The following ITGA1 variants were observed in gnomAD, a reference collection of about 807,000 sequenced individuals.
The protein encoded by ITGA1 is integrin subunit alpha 1.
A neutral mutation model predicts 145.9 loss-of-function variants in ITGA1; 85 were observed. That is an observed-to-expected ratio of 0.58 (90% CI 0.49 to 0.70). The LOEUF (loss-of-function observed/expected upper bound fraction) is 0.70. Among genes scored for constraint, ITGA1 ranks in the 30% least tolerant of loss-of-function variants. The pLI is 0.00. For synonymous variants in ITGA1, 520 were observed against 495.3 expected, an observed-to-expected ratio of 1.05 and a Z score of -0.66; for missense variants, 1,351 against 1,418.7, an observed-to-expected ratio of 0.95 and a Z score of 0.77.
At chr5:52,867,993 C>T (rs1001067468) in intron 6 of ITGA1, among the ~76,000 whole-genome samples, 4 of 151,986 alleles carry the variant, frequency 2.6e-5, no homozygotes, top group African/African-American at 4.8e-5. Flanking sequence ...TGGCTGAAAC[C>T]GTGCTAGGCT....
intron 11 of ITGA1, among the ~76,000 whole-genome samples, chr5:52,899,697 G>A (rs1176553528): frequency 6.6e-6 from 1 of 152,144 alleles, no homozygotes; most frequent in Non-Finnish European, 1.5e-5. Context: ...AGAAATTGAA[G>A]GTTAGAAAAC....
rs1580015613 is a variant in ITGA1 at position 52,788,421 on chromosome 5, G to T, written c.61+7G>T. On this transcript the variant is annotated splice_region_variant and intron_variant, in intron 1 of 28. Transcript: ENST00000282588. The stretch of plus-strand genomic sequence containing the variant: ...TGCTGCTGGCTCCTCACTGGTGAGC[G>T]ACTCGCTTTTCTCTGAGCATCTCCT... The T allele has an allele frequency of 2.0e-6, 3 of 1,506,374 alleles. No homozygotes were observed. The highest frequency in any genetic ancestry group is 2.5e-5 in the South Asian group (2 of 80,466). 93.3% of individuals were successfully genotyped at this position (1,506,374 alleles called of 1,614,324 possible).
At chr5:52,859,780 A>G (rs569318087) in intron 2 of ITGA1, among the ~76,000 whole-genome samples, 1 of 152,336 alleles carries the variant, frequency 6.6e-6, no homozygotes, top group Non-Finnish European at 1.5e-5. Flanking sequence ...TATCTGAGTC[A>G]TAGTCTCCTA....
intron 1 of ITGA1, among the ~76,000 whole-genome samples, chr5:52,832,710 A>G (rs1171853595): frequency 6.6e-6 from 1 of 151,884 alleles, no homozygotes; most frequent in African/African-American, 2.4e-5. Flanking sequence ...TTAAATACTG[A>G]AAAATATTAT....
intron 1 of ITGA1, among the ~76,000 whole-genome samples, chr5:52,808,020 T>C (rs1748622339): frequency 1.3e-5 from 2 of 152,152 alleles, no homozygotes; most frequent in Admixed American, 6.5e-5. Context: ...GTTGACAGAA[T>C]TGACAGCAGT....
chr5:52,939,657 C>T lies in ITGA1; in HGVS notation c.3146C>T (p.Thr1049Ile). The T allele has an allele frequency of 6.2e-7, 1 of 1,613,318 alleles. No individual in the cohort carries two copies. The highest frequency in any genetic ancestry group is 2.2e-5 in the East Asian group (1 of 44,832). ...ATCAACTCTGGAAAGAAAATGACTA[C>T]ATCAACTGACCATCTCAAACGAGGC... ...FSINSGKKMT[T>I]STDHLKRGTI... Residue 1049 changes from threonine (T) to isoleucine (I), a missense_variant, in exon 25 of 29, where the codon ACA becomes ATA. Physicochemically the swap from Thr to Ile is moderately conservative, Grantham distance 89 (BLOSUM62 -1). Transcript: ENST00000282588.
In ITGA1 at chr5:52,799,978, C is replaced by G. The variant is rs566402024; in HGVS notation, c.61+11564C>G. ...GTGCACCTTCTTGAGGGAGTTCATT[C>G]GTCCGGAGCGCCTCACAGCTTAGTG... On this transcript the variant is annotated intron_variant, in intron 1 of 28. Transcript: ENST00000282588. 6.1e-4 allele frequency: 142 copies of G among 232,320 alleles called. 1 individual carries two copies. The highest frequency in any genetic ancestry group is 3.2e-3 in the African/African-American group (137 of 43,312). 14.4% of individuals were successfully genotyped at this position (232,320 alleles called of 1,614,324 possible).
rs775507294 is a variant in ITGA1 at position 52,958,357 on chromosome 5, G to A, written c.*5906G>A. On this transcript the variant is annotated 3_prime_UTR_variant, in exon 29 of 29. Coordinates refer to ENST00000282588, the MANE Select transcript of ITGA1 (RefSeq NM_181501.2). The stretch of plus-strand genomic sequence containing the variant: ...TACCCTGCCCACAATACTAACACAT[G>A]TACTTTGCATAAGTAAATTGTTGAT... 1 of 152,124 alleles carries A rather than the reference G, an allele frequency of 6.6e-6. No individual in the cohort carries two copies. 9.4% of individuals were successfully genotyped at this position (152,124 alleles called of 1,614,324 possible). A position where few individuals can be genotyped will look rare whatever the true frequency, so the allele number is the denominator to read the frequency against.
intron 7 of ITGA1, among the ~76,000 whole-genome samples, chr5:52,882,462 A>G (rs1749975731): frequency 1.3e-5 from 2 of 152,194 alleles, no homozygotes; most frequent in South Asian, 4.1e-4. Context: ...TATCGAAGCT[A>G]CTAGATAAGA....
chr5:52,884,855 A>C (rs950923764), intron 7 of ITGA1, among the ~76,000 whole-genome samples: 10 of 152,202 alleles, frequency 6.6e-5, no homozygotes, highest in African/African-American at 2.4e-4. Context: ...AATTCAATTC[A>C]GTTCTGACAC....
At chr5:52,893,532 C>T in intron 8 of ITGA1, 143 bp from the exon 9 acceptor site, 1 of 638,422 alleles carries the variant, frequency 1.6e-6, no homozygotes. Flanking sequence ...TTTTGAAAAT[C>T]ACTCTTCCAT....
chr5:52,861,252 T>C (rs1749595737), intron 2 of ITGA1, among the ~76,000 whole-genome samples, 195 bp from the exon 3 acceptor site: 1 of 152,214 alleles, frequency 6.6e-6, no homozygotes, highest in Admixed American at 6.5e-5. Flanking sequence ...TGTGTGTGTA[T>C]ATATACTTTT....
In ITGA1 at chr5:52,792,098, T is replaced by G. The variant is rs116447454; in HGVS notation, c.61+3684T>G. Among the ~76,000 whole-genome samples, 1,290 of 152,316 alleles carry G rather than the reference T, an allele frequency of 8.5e-3. 11 individuals are homozygous for G. The highest frequency in any genetic ancestry group is 0.013 in the Non-Finnish European group (914 of 68,020). On this transcript the variant is annotated intron_variant, in intron 1 of 28. Coordinates refer to ENST00000282588, the MANE Select transcript of ITGA1 (RefSeq NM_181501.2). ...TTAGGTGTACAGCATTAAGTGTAAC[T>G]CAAGTAAGACTACTATTTCTCGTTA...
chr5:52,939,746 A>T, intron 25 of ITGA1, 55 bp downstream of exon 25: 1 of 1,468,468 alleles, frequency 6.8e-7, no homozygotes, highest in Non-Finnish European at 9.5e-7. Flanking sequence ...AATAAAATTG[A>T]TATCAATCTA....
intron 13 of ITGA1, among the ~76,000 whole-genome samples, chr5:52,909,690 T>C (rs1750467795): frequency 7.8e-6 from 1 of 128,922 alleles, no homozygotes. Context: ...TCCTGTCAAC[T>C]TTTTTTGTCC....
chr5:52,952,247 A>G (rs529863239), intron 28 of ITGA1, among the ~76,000 whole-genome samples, 160 bp from the exon 29 acceptor site: 5 of 152,188 alleles, frequency 3.3e-5, no homozygotes, highest in Admixed American at 6.5e-5. Context: ...ATTTTTTGAC[A>G]TTGAATATTA....
rs928744490 is a variant in ITGA1, at chr5:52,955,809, G to A, written c.*3358G>A. The A allele has an allele frequency of 1.3e-5, 2 of 152,026 alleles. No homozygotes were observed. The highest frequency in any genetic ancestry group is 6.6e-5 in the Admixed American group (1 of 15,250). 9.4% of individuals were successfully genotyped at this position (152,026 alleles called of 1,614,324 possible). A position where few individuals can be genotyped will look rare whatever the true frequency, so the allele number is the denominator to read the frequency against. ...ATTTTCCTCTGAGCACTAGATTCAT[G>A]GGCAATTTAATCTCTGAATATTTTC... On this transcript the variant is annotated 3_prime_UTR_variant, in exon 29 of 29. Transcript: ENST00000282588.
chr5:52,906,750 A>G (rs1265896323), intron 12 of ITGA1, among the ~76,000 whole-genome samples: 1 of 152,134 alleles, frequency 6.6e-6, no homozygotes, highest in Non-Finnish European at 1.5e-5. Flanking sequence ...CTTAGCCTTC[A>G]CTAAATATTC....
chr5:52,826,548 A>G (rs1748967523), intron 1 of ITGA1, among the ~76,000 whole-genome samples: 1 of 152,240 alleles, frequency 6.6e-6, no homozygotes, highest in Non-Finnish European at 1.5e-5. Context: ...GGTGCCATCT[A>G]GGACTTTCAT....
Sources: allele counts gnomAD v4.1 joint callset (sites outside exome capture counted in the v4.1 genomes callset), GRCh38; gene constraint gnomAD v4.1.1; transcripts MANE v1.5; gene names NCBI Gene and HGNC (gene_info 2026-07-23, HGNC 2026-07-21).